The following SYN3 variants were observed in gnomAD, a reference collection of about 807,000 sequenced individuals.
The protein encoded by SYN3 is synapsin-3.
SYN3 carries 35 observed loss-of-function variants against 65.8 expected under a neutral mutation model. The observed-to-expected ratio is 0.53, with a 90% CI of 0.41 to 0.70. SYN3 has a LOEUF of 0.70. Ranked by LOEUF, SYN3 falls within the 30% of genes least tolerant of loss-of-function variation. The probability of loss-of-function intolerance (pLI) is 0.00; values close to 1 mark genes in which losing one functional copy is unlikely to be tolerated. For missense variants in SYN3, 680 were observed against 749.0 expected (o/e 0.91, Z 1.08); for synonymous variants, 270 against 292.9 (o/e 0.92, Z 0.80).
chr22:32,730,017 A>T (rs1270590980), intron 6 of SYN3, among the ~76,000 whole-genome samples: 2 of 152,230 alleles, frequency 1.3e-5, no homozygotes, highest in African/African-American at 2.4e-5. Context: ...GAGATGGATG[A>T]CAATGATAAA....
intron 6 of SYN3, chr22:32,857,989 C>G: frequency 6.2e-7 from 1 of 1,614,104 alleles, no homozygotes; most frequent in African/African-American, 1.3e-5. Flanking sequence ...AAAACAACCT[C>G]TCCTTGTTTT....
chr22:32,757,758 T>C (rs1306384359), intron 6 of SYN3, among the ~76,000 whole-genome samples: 1 of 152,182 alleles, frequency 6.6e-6, no homozygotes, highest in Non-Finnish European at 1.5e-5. Context: ...CATCTCTTAG[T>C]ATTACCATGC....
intron 1 of SYN3, among the ~76,000 whole-genome samples, chr22:33,009,751 AACACACACACACACACACACACAC>A (rs58156623): frequency 7.1e-6 from 1 of 141,206 alleles, no homozygotes; most frequent in African/African-American, 2.6e-5. Flanking sequence ...TACGTATCTA[AACACACACACACACACACACACAC>A]ACACACACAC....
intron 6 of SYN3, among the ~76,000 whole-genome samples, chr22:32,831,510 G>A (rs901326494): frequency 5.9e-5 from 9 of 152,178 alleles, no homozygotes; most frequent in African/African-American, 2.2e-4. Flanking sequence ...GGGGGTCGGA[G>A]TTGGGGGGCA....
intron 6 of SYN3, among the ~76,000 whole-genome samples, chr22:32,666,128 G>C (rs2060286642): frequency 6.6e-6 from 1 of 152,088 alleles, no homozygotes; most frequent in South Asian, 2.1e-4. Flanking sequence ...AATACATTCA[G>C]AATATGGTCA....
intron 6 of SYN3, among the ~76,000 whole-genome samples, chr22:32,736,856 A>C (rs2061342023): frequency 6.6e-6 from 1 of 152,194 alleles, no homozygotes; most frequent in Non-Finnish European, 1.5e-5. Context: ...TAAAGACCCC[A>C]CCAACCCCTT....
chr22:32,834,780 T>C (rs2047681490), intron 6 of SYN3, among the ~76,000 whole-genome samples: 1 of 152,150 alleles, frequency 6.6e-6, no homozygotes, highest in Admixed American at 6.5e-5. Context: ...TCCTATCTGG[T>C]ACAGGGTACC....
intron 4 of SYN3, among the ~76,000 whole-genome samples, chr22:32,892,616 A>G (rs1287120232): frequency 1.3e-5 from 2 of 152,168 alleles, no homozygotes; most frequent in Non-Finnish European, 2.9e-5. Flanking sequence ...TATTGGAGAG[A>G]TCTATTTTAA....
Position 33,006,489 on chromosome 22 carries a change from G to C in SYN3, c.174C>G (p.Ser58Arg), listed in dbSNP as rs1452406165. The C allele has an allele frequency of 2.5e-6, 4 of 1,614,094 alleles. No individual in the cohort carries two copies. The highest frequency in any genetic ancestry group is 2.2e-5 in the East Asian group (1 of 44,894). Residue 58 changes from serine (S) to arginine (R), a missense_variant, in exon 2 of 14, where the codon AGC becomes AGG. Coordinates refer to ENST00000358763, the MANE Select transcript of SYN3 (RefSeq NM_003490.4). ...TGGCACTGGAGAGGGAGCTAAAAAG[G>C]CTGGATCCTGGAGAGGAGAAGGAGG... is the stretch of plus-strand genomic sequence containing the variant. ...LAASFSSPGSSLFSSLSSAMK... is the reference protein window; with the variant it reads ...LAASFSSPGSRLFSSLSSAMK...
At chr22:32,644,101 A>AAAAAAAAAAGAG (rs368236821) in intron 6 of SYN3, among the ~76,000 whole-genome samples, 4 of 71,226 alleles carry the variant, frequency 5.6e-5, no homozygotes, top group Non-Finnish European at 5.3e-5. Flanking sequence ...AAAAAAAAAA[A>AAAAAAAAAAGAG]AGCGACAAGA....
chr22:32,572,917 G>C (rs759850376), intron 7 of SYN3, among the ~76,000 whole-genome samples: 3 of 152,164 alleles, frequency 2.0e-5, no homozygotes, highest in Non-Finnish European at 4.4e-5. Context: ...GATAGCATTC[G>C]AGGGGGCTCG....
At chr22:32,536,248 G>A (rs140254605) in intron 9 of SYN3, among the ~76,000 whole-genome samples, 26 of 152,334 alleles carry the variant, frequency 1.7e-4, no homozygotes, top group African/African-American at 4.8e-4. Context: ...TGATTCAGTC[G>A]TGCCAGGTCA....
At chr22:32,696,913 C>A (rs146978583) in intron 6 of SYN3, among the ~76,000 whole-genome samples, 2 of 152,186 alleles carry the variant, frequency 1.3e-5, no homozygotes, top group African/African-American at 2.4e-5. Context: ...TTCATTCTAG[C>A]TTTGCCTGTG....
intron 3 of SYN3, among the ~76,000 whole-genome samples, chr22:32,979,572 T>C (rs2052311575): frequency 1.3e-5 from 2 of 152,194 alleles, no homozygotes; most frequent in South Asian, 4.1e-4. Context: ...TTTGAAATCA[T>C]TTTTACAGCA....
chr22:32,647,913 G>A (rs1243430349), intron 6 of SYN3, among the ~76,000 whole-genome samples: 1 of 151,560 alleles, frequency 6.6e-6, no homozygotes, highest in Non-Finnish European at 1.5e-5. Flanking sequence ...CATTTTTTTT[G>A]TTTTTGGTAG....
Position 32,596,839 on chromosome 22 carries a change from C to A in SYN3, c.712-103G>T. ...GAAAGATCCATTCATTTCATATGGT[C>A]GGGAATCCCCACAAGAATGCTTCGA... On this transcript the variant is annotated intron_variant, in intron 6 of 13. Transcript: ENST00000358763. The A allele has an allele frequency of 3.4e-6, 4 of 1,173,630 alleles. No homozygotes were observed. The South Asian group carries it at 4.2e-5, about 12-fold the overall frequency. The allele number at this position is 1,173,630 out of a possible 1,614,324, so 72.7% of individuals were successfully genotyped here. A position where few individuals can be genotyped will look rare whatever the true frequency, so the allele number is the denominator to read the frequency against.
chr22:32,519,535 C>T (rs1299798167), intron 12 of SYN3: 1 of 152,118 alleles, frequency 6.6e-6, no homozygotes, highest in African/African-American at 2.4e-5. Context: ...GAAGAGGAGC[C>T]ACAGAAAGCT....
At chr22:32,798,217 TG>T (rs1405014954) in intron 6 of SYN3, among the ~76,000 whole-genome samples, 3 of 152,074 alleles carry the variant, frequency 2.0e-5, no homozygotes, top group Non-Finnish European at 4.4e-5. Context: ...ATTTAATCAG[TG>T]TAAGTAAAAT....
At chr22:32,868,303 T>C (rs552708033) in intron 5 of SYN3, among the ~76,000 whole-genome samples, 63 of 151,262 alleles carry the variant, frequency 4.2e-4, no homozygotes, top group Non-Finnish European at 7.1e-4. Flanking sequence ...ATATTATTAA[T>C]AGCATATATT....
Sources: gnomAD v4.1 joint callset for allele counts (sites outside exome capture counted in the v4.1 genomes callset) on GRCh38, gnomAD v4.1.1 for gene constraint, MANE v1.5 for transcripts, NCBI Gene and HGNC (gene_info 2026-07-23, HGNC 2026-07-21) for gene names.